LINGO2: variants seen among roughly 807,000 people sequenced by gnomAD.
The protein encoded by LINGO2 is leucine-rich repeat and immunoglobulin-like domain-containing nogo receptor-interacting protein 2.
Under a neutral mutation model 30.6 loss-of-function variants are expected in LINGO2, and 14 were observed. The ratio of observed to expected loss-of-function variants is 0.46; its 90% CI spans 0.30 to 0.72. The LOEUF is 0.72. Ranked by LOEUF, LINGO2 falls within the 30% of genes least tolerant of loss-of-function variation. The pLI is 0.07. For synonymous variants in LINGO2, 317 were observed against 288.5 expected, an observed-to-expected ratio of 1.10 and a Z score of -1.00; for missense variants, 729 against 751.7, an observed-to-expected ratio of 0.97 and a Z score of 0.35.
At chr9:28,780,688 G>A in the LINGO2 span, among the ~76,000 whole-genome samples, 1 of 152,084 alleles carries the variant, frequency 6.6e-6, no homozygotes, top group African/African-American at 2.4e-5. Flanking sequence ...AAGGGAATTA[G>A]ATAAACTGTG....
chr9:28,256,753 T>A lies in LINGO2; in HGVS notation c.-87+38455A>T, dbSNP rs182312702. 2.4e-3 allele frequency among the ~76,000 whole-genome samples: 361 copies of A among 152,032 alleles called. 8 individuals carry two copies. Among genetic ancestry groups the A allele is most frequent in the Non-Finnish European group, 2.3e-3 (159 of 67,872 alleles). On this transcript the variant is annotated intron_variant, in intron 4 of 5. Transcript: ENST00000379992. The stretch of plus-strand genomic sequence containing the variant: ...AAACAAAGTAAAAGAATCTTCATTG[T>A]TTTAGGCTAATTAAAGCAGTATTAT...
chr9:27,938,183 G>T, the LINGO2 span: 2 of 152,172 alleles, frequency 1.3e-5, no homozygotes, highest in Admixed American at 1.3e-4. Flanking sequence ...TGAGAAAGAG[G>T]TGTCGTTACG....
At chr9:28,141,505 G>A (rs2133496401) in intron 4 of LINGO2, among the ~76,000 whole-genome samples, 1 of 152,160 alleles carries the variant, frequency 6.6e-6, no homozygotes, top group African/African-American at 2.4e-5. Context: ...ATAATTTAAG[G>A]GATTCAAGAA....
At chr9:28,105,809 GCCAGGA>G (rs1826572321) in intron 4 of LINGO2, among the ~76,000 whole-genome samples, 5 of 152,082 alleles carry the variant, frequency 3.3e-5, no homozygotes, top group Non-Finnish European at 5.9e-5. Flanking sequence ...CTGTCTACAA[GCCAGGA>G]GGAGAGCCCT....
chr9:29,209,723 A>C, the LINGO2 span, among the ~76,000 whole-genome samples: 9 of 152,196 alleles, frequency 5.9e-5, no homozygotes, highest in Admixed American at 3.9e-4. Flanking sequence ...AGTTATTAAC[A>C]TCAAAGTAGC....
intron 1 of LINGO2, among the ~76,000 whole-genome samples, chr9:28,628,571 G>T (rs551602792): frequency 1.3e-5 from 2 of 152,136 alleles, no homozygotes; most frequent in South Asian, 4.1e-4. Context: ...TATTTTGGGG[G>T]CAAGAGGGAG....
At chr9:29,124,654 G>A in the LINGO2 span, among the ~76,000 whole-genome samples, 2 of 151,988 alleles carry the variant, frequency 1.3e-5, no homozygotes, top group East Asian at 3.9e-4. Context: ...CATCAAACAT[G>A]AAAAAAAGTT....
the LINGO2 span, among the ~76,000 whole-genome samples, chr9:28,752,094 C>G: frequency 7.3e-5 from 11 of 151,670 alleles, no homozygotes; most frequent in African/African-American, 2.7e-4. Flanking sequence ...TAATAAAATC[C>G]CATAATAAGT....
At chr9:29,153,668 C>G in the LINGO2 span, among the ~76,000 whole-genome samples, 1 of 152,040 alleles carries the variant, frequency 6.6e-6, no homozygotes, top group African/African-American at 2.4e-5. Flanking sequence ...CCAACAAATA[C>G]AAGGAAAATT....
At chr9:28,614,891 G>T (rs1487003660) in intron 1 of LINGO2, among the ~76,000 whole-genome samples, 1 of 152,034 alleles carries the variant, frequency 6.6e-6, no homozygotes, top group Admixed American at 6.6e-5. Context: ...ATACACAAAA[G>T]AAATAGGTTA....
At chr9:29,136,863 A>G in the LINGO2 span, among the ~76,000 whole-genome samples, 1 of 152,114 alleles carries the variant, frequency 6.6e-6, no homozygotes, top group Non-Finnish European at 1.5e-5. Context: ...ATCATTTCAA[A>G]CTCAAATGTA....
intron 4 of LINGO2, among the ~76,000 whole-genome samples, chr9:28,075,047 C>T (rs542009829): frequency 6.6e-6 from 1 of 151,876 alleles, no homozygotes; most frequent in South Asian, 2.1e-4. Flanking sequence ...TTTTCTACAT[C>T]ACTGAAGTTT....
At chr9:29,077,801 A>G in the LINGO2 span, among the ~76,000 whole-genome samples, 2 of 151,870 alleles carry the variant, frequency 1.3e-5, no homozygotes, top group Admixed American at 1.3e-4. Context: ...TCAACCAATC[A>G]CAGGCACACA....
intron 1 of LINGO2, among the ~76,000 whole-genome samples, chr9:28,535,027 G>T (rs2135440412): frequency 6.6e-6 from 1 of 152,120 alleles, no homozygotes; most frequent in African/African-American, 2.4e-5. Context: ...CTTTAACAAT[G>T]ACTTTACTAT....
At chr9:28,669,402 T>G (rs1465539467) in intron 1 of LINGO2, among the ~76,000 whole-genome samples, 1 of 152,164 alleles carries the variant, frequency 6.6e-6, no homozygotes, top group Non-Finnish European at 1.5e-5. Flanking sequence ...TTTAGTTCAA[T>G]TAAATAAGAC....
chr9:28,117,731 C>A (rs555353911), intron 4 of LINGO2, among the ~76,000 whole-genome samples: 4 of 145,734 alleles, frequency 2.7e-5, no homozygotes, highest in Admixed American at 1.4e-4. Context: ...TGACCCCTTG[C>A]GCTTCCCAGG....
chr9:28,258,062 C>T (rs1432564986), intron 4 of LINGO2, among the ~76,000 whole-genome samples: 3 of 151,900 alleles, frequency 2.0e-5, no homozygotes, highest in African/African-American at 4.8e-5. Flanking sequence ...ACTTGGAAGA[C>T]CAACCTGAGC....
chr9:28,350,320 G>A (rs62555417), intron 3 of LINGO2, among the ~76,000 whole-genome samples: 2 of 142,760 alleles, frequency 1.4e-5, no homozygotes, highest in Non-Finnish European at 3.1e-5. Context: ...CCAAGCCAAT[G>A]GAAAACAAAA....
At chr9:29,103,497 T>G in the LINGO2 span, among the ~76,000 whole-genome samples, 1 of 152,104 alleles carries the variant, frequency 6.6e-6, no homozygotes, top group African/African-American at 2.4e-5. Flanking sequence ...TTATCTTTCA[T>G]AATTTTACAT....
Sources: gnomAD v4.1 joint callset for allele counts (sites outside exome capture counted in the v4.1 genomes callset) on GRCh38, gnomAD v4.1.1 for gene constraint, MANE v1.5 for transcripts, NCBI Gene and HGNC (gene_info 2026-07-23, HGNC 2026-07-21) for gene names.